Variants in ATR observed in about 807,000 individuals in gnomAD.
The protein encoded by ATR is serine/threonine-protein kinase ATR.
In ATR, 142 loss-of-function variants were observed where a neutral mutation model predicts 305.3. The observed-to-expected ratio is 0.47, with a 90% confidence interval of 0.41 to 0.53. The LOEUF (loss-of-function observed/expected upper bound fraction) is 0.53. ATR is among the 20% of genes least tolerant of loss of function. ATR has a pLI of 0.00. For synonymous variants in ATR, 1,050 were observed against 1,068.1 expected (o/e 0.98, Z 0.33); for missense variants, 2,135 against 3,133.1 (o/e 0.68, Z 7.60).
At chr3:142,514,197 C>T (rs1355621189) in intron 25 of ATR, among the ~76,000 whole-genome samples, 3 of 151,690 alleles carry the variant, frequency 2.0e-5, no homozygotes, top group Non-Finnish European at 4.4e-5. Flanking sequence ...CACTTAAACC[C>T]GGGAGGCGGA....
At chr3:142,459,140 T>C (rs752674877) in intron 43 of ATR, 29 bp from the exon 44 acceptor site, 2 of 1,613,592 alleles carry the variant, frequency 1.2e-6, no homozygotes, top group South Asian at 2.2e-5. Context: ...CTATGAAATA[T>C]CCATATACAT....
At chr3:142,527,477 C>T (rs1416432007) in intron 21 of ATR, among the ~76,000 whole-genome samples, 2 of 152,048 alleles carry the variant, frequency 1.3e-5, no homozygotes, top group Non-Finnish European at 2.9e-5. Context: ...TACATGTTTA[C>T]AAATTTATTT....
intron 42 of ATR, among the ~76,000 whole-genome samples, chr3:142,460,097 C>T (rs934778336): frequency 1.9e-4 from 29 of 152,064 alleles, no homozygotes; most frequent in Non-Finnish European, 1.6e-4. Flanking sequence ...AACTCTGACT[C>T]AAGTGTCTCT....
intron 24 of ATR, among the ~76,000 whole-genome samples, chr3:142,516,965 C>G (rs1453099455): frequency 6.9e-6 from 1 of 144,754 alleles, no homozygotes; most frequent in South Asian, 2.2e-4. Flanking sequence ...GCCCTATACC[C>G]AAAGTCTTAT....
intron 3 of ATR, among the ~76,000 whole-genome samples, chr3:142,564,357 T>A (rs1006077132): frequency 2.6e-5 from 4 of 152,236 alleles, no homozygotes; most frequent in Non-Finnish European, 5.9e-5. Context: ...TTACTAGTTG[T>A]ATAAACTTTT....
At chr3:142,522,910 T>C in intron 22 of ATR, 69 bp from the exon 23 acceptor site, 2 of 1,180,932 alleles carry the variant, frequency 1.7e-6, no homozygotes, top group Non-Finnish European at 2.5e-6. Flanking sequence ...GTACTGCTTT[T>C]TCCATGGTGA....
chr3:142,576,508 G>C (rs1287223811), intron 1 of ATR, among the ~76,000 whole-genome samples: 1 of 152,168 alleles, frequency 6.6e-6, no homozygotes, highest in East Asian at 1.9e-4. Flanking sequence ...ATGACTTCTA[G>C]ATTTCCAGTT....
chr3:142,555,842 G>T (rs2108470002), intron 10 of ATR, 35 bp downstream of exon 10: 1 of 1,578,114 alleles, frequency 6.3e-7, no homozygotes, highest in Non-Finnish European at 8.6e-7. Context: ...AGCTTAAATA[G>T]GTTTTAAAGT....
At chr3:142,479,339 A>G (rs1577535747) in intron 36 of ATR, among the ~76,000 whole-genome samples, 1 of 152,146 alleles carries the variant, frequency 6.6e-6, no homozygotes, top group East Asian at 1.9e-4. Context: ...TTTCTCCTTC[A>G]CTTTTGAAGC....
At chr3:142,555,003 G>A (rs561556872) in intron 10 of ATR, among the ~76,000 whole-genome samples, 96 of 151,912 alleles carry the variant, frequency 6.3e-4, no homozygotes, top group African/African-American at 2.2e-3. Flanking sequence ...TGGGGGGACA[G>A]AGTGGGTAGA....
chr3:142,501,527 G>A (rs1577581368), intron 30 of ATR, among the ~76,000 whole-genome samples: 1 of 151,988 alleles, frequency 6.6e-6, no homozygotes, highest in Admixed American at 6.6e-5. Flanking sequence ...CTTAGAAAAG[G>A]CTGGCTTCAG....
intron 36 of ATR, among the ~76,000 whole-genome samples, chr3:142,476,720 C>T (rs1166590122): frequency 6.6e-6 from 1 of 152,148 alleles, no homozygotes; most frequent in Admixed American, 6.5e-5. Flanking sequence ...TTCTTCCTAT[C>T]CATGAGCATG....
intron 35 of ATR, among the ~76,000 whole-genome samples, chr3:142,488,773 A>T (rs1007756999): frequency 1.4e-4 from 22 of 152,228 alleles, no homozygotes; most frequent in Admixed American, 4.6e-4. Context: ...CTTGGCCTTT[A>T]TGTTTCCACA....
At chr3:142,559,189 A>G (rs2034790733) in intron 7 of ATR, 62 bp downstream of exon 7, 2 of 1,548,116 alleles carry the variant, frequency 1.3e-6, no homozygotes, top group African/African-American at 1.4e-5. Context: ...CAAAAAAGAA[A>G]GCATATTTCT....
chr3:142,479,921 G>A (rs1303272535), intron 36 of ATR, among the ~76,000 whole-genome samples: 4 of 152,126 alleles, frequency 2.6e-5, no homozygotes, highest in Non-Finnish European at 4.4e-5. Flanking sequence ...TTCCTGTGCC[G>A]TGGATTTCAG....
intron 20 of ATR, among the ~76,000 whole-genome samples, chr3:142,535,676 G>A (rs1559972846): frequency 1.3e-5 from 2 of 152,060 alleles, no homozygotes; most frequent in Non-Finnish European, 2.9e-5. Context: ...TAAGATGCTG[G>A]AATTATAAAT....
At chr3:142,481,791 T>C (rs952339411) in intron 36 of ATR, among the ~76,000 whole-genome samples, 1 of 151,838 alleles carries the variant, frequency 6.6e-6, no homozygotes, top group Non-Finnish European at 1.5e-5. Context: ...TGCCCAGCCA[T>C]ATCTGATATT....
chr3:142,506,624 T>C (rs936419274), intron 28 of ATR, among the ~76,000 whole-genome samples: 1 of 151,960 alleles, frequency 6.6e-6, no homozygotes, highest in Non-Finnish European at 1.5e-5. Context: ...GAGGTGGAGG[T>C]TGCAGTGAGC....
At position 142,566,218 on chromosome 3, in the gene ATR, G is replaced by A. The variant is rs139304565; in HGVS notation, c.195C>T (p.Ser65=). The A allele has an allele frequency of 1.6e-4, 252 of 1,613,930 alleles. 1 individual carries two copies. The African/African-American group carries it at 2.4e-3, about 15-fold the overall frequency. ...GCTGGATGAAATCAAGCAACATCAC[G>A]GAGGTTGGCTGAGAGTCAGTTTTCT... is the stretch of plus-strand genomic sequence containing the variant. ...LVKKTDSQPT[S]VMLLDFIQHI... is the part of the protein sequence containing the mutation. Residue 65 remains serine, a synonymous_variant, in exon 3 of 47, where the codon TCC becomes TCT. Transcript: ENST00000350721.
Sources: gnomAD v4.1 joint callset for allele counts (sites outside exome capture counted in the v4.1 genomes callset) on GRCh38, gnomAD v4.1.1 for gene constraint, MANE v1.5 for transcripts, NCBI Gene and HGNC (gene_info 2026-07-23, HGNC 2026-07-21) for gene names.